The following PREX2 variants were observed in gnomAD, a reference collection of about 807,000 sequenced individuals.
The protein encoded by PREX2 is phosphatidylinositol 3,4,5-trisphosphate-dependent Rac exchanger 2 protein.
A neutral mutation model predicts 203.2 loss-of-function variants in PREX2; 107 were observed. That is an observed-to-expected ratio of 0.53 (90% CI 0.45 to 0.62). The LOEUF (loss-of-function observed/expected upper bound fraction) is 0.62. Ranked by LOEUF, PREX2 falls within the 20% of genes least tolerant of loss-of-function variation. The pLI is 0.00. For synonymous variants in PREX2, 672 were observed against 663.6 expected (o/e 1.01, Z -0.19); for missense variants, 1,777 against 1,955.9 (o/e 0.91, Z 1.72).
At chr8:68,216,762 C>G (rs959269955) in intron 37 of PREX2, among the ~76,000 whole-genome samples, 2 of 152,000 alleles carry the variant, frequency 1.3e-5, no homozygotes, top group Admixed American at 6.6e-5. Context: ...TTGAGACCAT[C>G]CTGGCCAACA....
At chr8:68,204,820 T>C (rs1372350311) in intron 37 of PREX2, among the ~76,000 whole-genome samples, 1 of 151,378 alleles carries the variant, frequency 6.6e-6, no homozygotes, top group Non-Finnish European at 1.5e-5. Context: ...TAGCTGGGAC[T>C]ACAGGCGCCT....
chr8:68,126,119 G>A (rs1810880734), intron 30 of PREX2, among the ~76,000 whole-genome samples: 1 of 152,056 alleles, frequency 6.6e-6, no homozygotes, highest in Non-Finnish European at 1.5e-5. Context: ...TAGATTGTTA[G>A]ATAATTGTTA....
intron 23 of PREX2, among the ~76,000 whole-genome samples, chr8:68,101,064 T>C (rs1265613525): frequency 6.6e-6 from 1 of 152,216 alleles, no homozygotes; most frequent in Non-Finnish European, 1.5e-5. Flanking sequence ...AGAAGACTAA[T>C]TGATTAAATT....
intron 19 of PREX2, among the ~76,000 whole-genome samples, chr8:68,090,145 A>C (rs112114267): frequency 0.023 from 3,436 of 152,226 alleles, 116 homozygotes; most frequent in African/African-American, 0.07. Flanking sequence ...TTTTATGTGC[A>C]TGTTAAATTG....
intron 4 of PREX2, among the ~76,000 whole-genome samples, chr8:68,026,785 A>G (rs974700138): frequency 2.6e-5 from 4 of 152,166 alleles, no homozygotes; most frequent in Admixed American, 1.3e-4. Context: ...AAGTTGTATC[A>G]CTTGTCAGTT....
At chr8:68,021,255 C>G (rs1807560152) in intron 3 of PREX2, among the ~76,000 whole-genome samples, 1 of 152,066 alleles carries the variant, frequency 6.6e-6, no homozygotes, top group Non-Finnish European at 1.5e-5. Context: ...ACTGCCCTTG[C>G]GACATCCACC....
At chr8:68,007,308 A>G (rs547100649) in intron 1 of PREX2, among the ~76,000 whole-genome samples, 3 of 152,332 alleles carry the variant, frequency 2.0e-5, no homozygotes, top group African/African-American at 4.8e-5. Flanking sequence ...ATATTTGACC[A>G]CTTACACAGA....
At chr8:68,057,012 G>T (rs1170681674) in intron 10 of PREX2, among the ~76,000 whole-genome samples, 1 of 152,106 alleles carries the variant, frequency 6.6e-6, no homozygotes, top group African/African-American at 2.4e-5. Context: ...CCCTCATATG[G>T]TTTGGCTGTG....
chr8:68,054,896 C>G (rs1444628220), intron 9 of PREX2, among the ~76,000 whole-genome samples: 2 of 152,218 alleles, frequency 1.3e-5, no homozygotes, highest in African/African-American at 2.4e-5. Context: ...TCATCAGAGG[C>G]CCGGAAGGCA....
At chr8:68,222,556 T>C (rs1403431808) in intron 38 of PREX2, among the ~76,000 whole-genome samples, 3 of 152,100 alleles carry the variant, frequency 2.0e-5, no homozygotes, top group Non-Finnish European at 2.9e-5. Context: ...AAGAGATTAC[T>C]CTTTTTAACA....
Position 68,231,409 on chromosome 8 carries a change from A to G in PREX2, c.*31A>G. 6.3e-7 allele frequency: 1 copy of G among 1,594,540 alleles called. No homozygotes were observed. Among genetic ancestry groups the G allele is most frequent in the Non-Finnish European group, 8.5e-7 (1 of 1,170,040 alleles). ...ACTCCCAAGAAACCAGGCAGGCAGA[A>G]GCTCCTGAATGCTGGACTAGACAAA... On this transcript the variant is annotated 3_prime_UTR_variant, in exon 40 of 40. Transcript: ENST00000288368.
chr8:68,150,515 T>G (rs1470100640), intron 34 of PREX2, among the ~76,000 whole-genome samples: 1 of 152,162 alleles, frequency 6.6e-6, no homozygotes, highest in Non-Finnish European at 1.5e-5. Flanking sequence ...AGTTGTCCAT[T>G]TATCATCAAA....
intron 1 of PREX2, among the ~76,000 whole-genome samples, chr8:68,006,678 C>A: frequency 6.6e-6 from 1 of 152,250 alleles, no homozygotes; most frequent in South Asian, 2.1e-4. Context: ...ATTATGTGCA[C>A]GTTCAAGCTT....
rs954346678 is a variant in PREX2 at position 68,087,698 on chromosome 8, C to G, written c.2028-26C>G. 2.6e-6 allele frequency: 4 copies of G among 1,549,532 alleles called. No homozygotes were observed. The African/African-American group carries it at 5.4e-5, about 21-fold the overall frequency. On this transcript the variant is annotated intron_variant, in intron 18 of 39. Transcript: ENST00000288368. The stretch of plus-strand genomic sequence containing the variant: ...ACCAGTTTTGATTCTTACGCTTCAT[C>G]TTACCTTATTTTCTGATTGATTTAG...
chr8:68,189,727 C>T (rs1812256634), intron 35 of PREX2, among the ~76,000 whole-genome samples: 1 of 152,010 alleles, frequency 6.6e-6, no homozygotes, highest in South Asian at 2.1e-4. Flanking sequence ...TTGCTGTAGC[C>T]CCCACACTCC....
In PREX2 at chr8:68,220,144, A is replaced by G. The variant is rs980991633; in HGVS notation, c.4707+2426A>G. The G allele has an allele frequency of 6.5e-4, 98 of 151,932 alleles. 8 individuals are homozygous for G. Among genetic ancestry groups the G allele is most frequent in the Non-Finnish European group, 1.5e-5 (1 of 67,964 alleles). 9.4% of individuals were successfully genotyped at this position (151,932 alleles called of 1,614,324 possible). On this transcript the variant is annotated intron_variant, in intron 38 of 39. Transcript: ENST00000288368. The stretch of plus-strand genomic sequence containing the variant: ...CTTTTTGGCATGATTTATTGTTCTT[A>G]TTTATAATTTCAATATTGTTTTCCT...
At chr8:67,989,105 GAGA>G (rs1358655898) in intron 1 of PREX2, among the ~76,000 whole-genome samples, 1 of 151,764 alleles carries the variant, frequency 6.6e-6, no homozygotes, top group African/African-American at 2.4e-5. Context: ...CCCAGTTTAG[GAGA>G]AGGAGAGAAA....
At chr8:68,114,107 C>A (rs1371222491) in intron 25 of PREX2, among the ~76,000 whole-genome samples, 2 of 152,140 alleles carry the variant, frequency 1.3e-5, no homozygotes, top group African/African-American at 4.8e-5. Flanking sequence ...CGTGATCCAC[C>A]CACCTCGGCC....
At chr8:68,052,314 G>T (rs966432404) in intron 8 of PREX2, among the ~76,000 whole-genome samples, 1 of 152,114 alleles carries the variant, frequency 6.6e-6, no homozygotes, top group Admixed American at 6.6e-5. Context: ...TGCCAGTAAA[G>T]GTCGTTTGCA....
Sources: gnomAD v4.1 joint callset for allele counts (sites outside exome capture counted in the v4.1 genomes callset) on GRCh38, gnomAD v4.1.1 for gene constraint, MANE v1.5 for transcripts, NCBI Gene and HGNC (gene_info 2026-07-23, HGNC 2026-07-21) for gene names.